Variants in OXR1 observed in about 807,000 individuals in gnomAD.
OXR1 encodes oxidation resistance 1, also known as oxidation resistance protein 1.
In OXR1, 41 loss-of-function variants were observed where a neutral mutation model predicts 104.6. The observed-to-expected ratio is 0.39, with a 90% CI of 0.31 to 0.51. The LOEUF is 0.51. Among genes scored for constraint, OXR1 ranks in the 20% least tolerant of loss-of-function variants. The pLI is 0.77. For synonymous variants in OXR1, 348 were observed against 348.4 expected, an observed-to-expected ratio of 1.00 and a Z score of 0.01; for missense variants, 955 against 1,031.9, an observed-to-expected ratio of 0.93 and a Z score of 1.02.
At chr8:106,324,510 T>C (rs562107813) in intron 1 of OXR1, among the ~76,000 whole-genome samples, 1 of 149,376 alleles carries the variant, frequency 6.7e-6, no homozygotes, top group African/African-American at 2.5e-5. Context: ...AAACCTAAAA[T>C]ATTTTTTTTA....
At chr8:106,576,710 T>C (rs1277719284) in intron 3 of OXR1, among the ~76,000 whole-genome samples, 1 of 152,092 alleles carries the variant, frequency 6.6e-6, no homozygotes, top group African/African-American at 2.4e-5. Flanking sequence ...ATTTGTTTTA[T>C]AAAATAATGA....
chr8:106,381,431 A>G (rs532859630), intron 2 of OXR1, among the ~76,000 whole-genome samples: 56 of 152,202 alleles, frequency 3.7e-4, no homozygotes, highest in South Asian at 1.5e-3. Flanking sequence ...GAATGGAAGG[A>G]AAGTGTGTGG....
intron 3 of OXR1, among the ~76,000 whole-genome samples, chr8:106,528,934 T>C (rs1473962173): frequency 6.6e-6 from 1 of 152,194 alleles, no homozygotes; most frequent in African/African-American, 2.4e-5. Flanking sequence ...TTAAATTAAA[T>C]TCTTGAGAAC....
chr8:106,720,679 A>T, intron 11 of OXR1: 2 of 955,364 alleles, frequency 2.1e-6, no homozygotes, highest in Non-Finnish European at 2.5e-6. Context: ...ATACCACAGG[A>T]CTTCCATCAT....
intron 3 of OXR1, among the ~76,000 whole-genome samples, chr8:106,665,392 A>G: frequency 6.6e-6 from 1 of 152,210 alleles, no homozygotes. Context: ...TTTTGTTCTT[A>G]TCAAAGTTAT....
At chr8:106,585,576 A>G (rs1197079900) in intron 3 of OXR1, among the ~76,000 whole-genome samples, 1 of 152,194 alleles carries the variant, frequency 6.6e-6, no homozygotes, top group Admixed American at 6.5e-5. Context: ...AGCAGAAGGC[A>G]AAAACTATAT....
At chr8:106,523,719 A>T (rs532099818) in intron 3 of OXR1, among the ~76,000 whole-genome samples, 59 of 152,208 alleles carry the variant, frequency 3.9e-4, no homozygotes, top group Non-Finnish European at 6.6e-4. Context: ...AGCTAGAATA[A>T]AAAACATTAA....
At chr8:106,440,595 C>T (rs770469617) in intron 2 of OXR1, among the ~76,000 whole-genome samples, 6 of 152,026 alleles carry the variant, frequency 3.9e-5, no homozygotes, top group Non-Finnish European at 7.4e-5. Context: ...GCATCTAAAA[C>T]ATATCAAGCC....
chr8:106,746,220 G>C (rs567205347), intron 16 of OXR1, among the ~76,000 whole-genome samples: 1 of 51,306 alleles, frequency 1.9e-5, no homozygotes, highest in Non-Finnish European at 3.7e-5. Context: ...TTCTCCCAAT[G>C]CATAGAACAA....
At chr8:106,722,292 A>G (rs1186732977) in intron 11 of OXR1, among the ~76,000 whole-genome samples, 1 of 152,202 alleles carries the variant, frequency 6.6e-6, no homozygotes, top group Non-Finnish European at 1.5e-5. Context: ...CACTACATTG[A>G]GAAATCACAT....
At chr8:106,647,372 A>G (rs1371754411) in intron 3 of OXR1, among the ~76,000 whole-genome samples, 2 of 152,212 alleles carry the variant, frequency 1.3e-5, no homozygotes, top group Non-Finnish European at 2.9e-5. Context: ...GATCATGATT[A>G]TATTCAAACG....
At chr8:106,385,252 T>C (rs564622526) in intron 2 of OXR1, among the ~76,000 whole-genome samples, 1 of 152,326 alleles carries the variant, frequency 6.6e-6, no homozygotes, top group East Asian at 1.9e-4. Flanking sequence ...TTACCTAATT[T>C]GAGGCAAATG....
At chr8:106,618,230 A>G in intron 3 of OXR1, 1 of 1,429,712 alleles carries the variant, frequency 7.0e-7, no homozygotes, top group Non-Finnish European at 9.5e-7. Flanking sequence ...TTATTTTGGA[A>G]AGTCAGATAC....
Position 106,737,601 on chromosome 8 carries a change from G to T in OXR1, c.2037+1G>T. ...GCGCACACTCTGCAGACGCCTCCAG[G>T]TGCCCCCTTCAGTAGTTTAAACCCC... On this transcript the variant is annotated splice_donor_variant, in intron 12 of 16. Coordinates refer to ENST00000517566, the MANE Select transcript of OXR1 (RefSeq NM_001198533.2). LOFTEE classifies it high-confidence loss of function. 2 of 1,372,974 alleles carry T rather than the reference G, an allele frequency of 1.5e-6. No individual in the cohort carries two copies. Among genetic ancestry groups the T allele is most frequent in the Non-Finnish European group, 1.9e-6 (2 of 1,046,814 alleles). The allele number at this position is 1,372,974 out of a possible 1,614,324, so 85.0% of individuals were successfully genotyped here. A position where few individuals can be genotyped will look rare whatever the true frequency, so the allele number is the denominator to read the frequency against.
intron 2 of OXR1, among the ~76,000 whole-genome samples, chr8:106,441,186 G>T (rs111308557): frequency 0.047 from 7,099 of 152,062 alleles, 544 homozygotes; most frequent in African/African-American, 0.16. Flanking sequence ...TTTCCCCATT[G>T]CTTGTTTTTG....
intron 3 of OXR1, among the ~76,000 whole-genome samples, chr8:106,677,660 C>G (rs1464301236): frequency 6.6e-6 from 1 of 151,976 alleles, no homozygotes; most frequent in African/African-American, 2.4e-5. Flanking sequence ...CTGATTATAT[C>G]TTTTGTGCAT....
At chr8:106,440,648 T>C (rs1254460012) in intron 2 of OXR1, among the ~76,000 whole-genome samples, 1 of 152,112 alleles carries the variant, frequency 6.6e-6, no homozygotes, top group Non-Finnish European at 1.5e-5. Flanking sequence ...CTCTCATTTT[T>C]TCTTTTCAGG....
chr8:106,546,635 C>T (rs928170828), intron 3 of OXR1, among the ~76,000 whole-genome samples: 18 of 152,106 alleles, frequency 1.2e-4, no homozygotes, highest in Non-Finnish European at 2.6e-4. Flanking sequence ...AAAAAAGGAG[C>T]AGTTAGGGGA....
intron 14 of OXR1, among the ~76,000 whole-genome samples, 189 bp from the exon 15 acceptor site, chr8:106,742,033 A>G (rs1409666023): frequency 6.6e-6 from 1 of 152,194 alleles, no homozygotes; most frequent in African/African-American, 2.4e-5. Flanking sequence ...TTGAAAAACC[A>G]ATATACTTCA....
Sources: allele counts gnomAD v4.1 joint callset (sites outside exome capture counted in the v4.1 genomes callset), GRCh38; gene constraint gnomAD v4.1.1; transcripts MANE v1.5; gene names NCBI Gene and HGNC (gene_info 2026-07-23, HGNC 2026-07-21).